Variants in ZDHHC18 observed in about 807,000 individuals in gnomAD.
ZDHHC18 encodes the protein palmitoyltransferase ZDHHC18.
Under a neutral mutation model 37.5 loss-of-function variants are expected in ZDHHC18, and 23 were observed. The ratio of observed to expected loss-of-function variants is 0.61; its 90% CI spans 0.44 to 0.87. The LOEUF is 0.87. ZDHHC18 is among the 40% of genes least tolerant of loss of function. The probability of loss-of-function intolerance (pLI) is 0.00; values close to 1 mark genes in which losing one functional copy is unlikely to be tolerated. For missense variants in ZDHHC18, 406 were observed against 525.6 expected, an observed-to-expected ratio of 0.77 and a Z score of 2.22; for synonymous variants, 185 against 218.7, an observed-to-expected ratio of 0.85 and a Z score of 1.36.
intron 6 of ZDHHC18, among the ~76,000 whole-genome samples, 162 bp from the exon 7 acceptor site, chr1:26,852,591 G>C (rs2081710928): frequency 6.6e-6 from 1 of 152,200 alleles, no homozygotes; most frequent in Non-Finnish European, 1.5e-5. Context: ...CTCTGCCAGG[G>C]GTCCCCCACA....
chr1:26,853,722 G>T lies in ZDHHC18; in HGVS notation c.1050-4G>T. 1 of 1,613,956 alleles carries T rather than the reference G, an allele frequency of 6.2e-7. No individual in the cohort carries two copies. Among genetic ancestry groups the T allele is most frequent in the Non-Finnish European group, 8.5e-7 (1 of 1,179,968 alleles). ...CCTCATGTGTCTCCCTTGTGTTTTG[G>T]AAGCCTAATTGACCGGAGGGGATTT... On this transcript the variant is annotated splice_region_variant and splice_polypyrimidine_tract_variant and intron_variant, in intron 7 of 7. Transcript: ENST00000374142.
chr1:26,844,510 T>C (rs976769120), intron 2 of ZDHHC18, among the ~76,000 whole-genome samples: 1 of 152,212 alleles, frequency 6.6e-6, no homozygotes, highest in Non-Finnish European at 1.5e-5. Flanking sequence ...ATTATTGCTG[T>C]GAACATCCTT....
At chr1:26,832,135 G>A (rs2081590936) in intron 1 of ZDHHC18, 1 of 296,250 alleles carries the variant, frequency 3.4e-6, no homozygotes, top group East Asian at 6.9e-5. Context: ...CAGTCCACTA[G>A]TGTCTGCCTG....
intron 2 of ZDHHC18, 57 bp from the exon 3 acceptor site, chr1:26,848,551 G>A: frequency 6.3e-7 from 1 of 1,579,898 alleles, no homozygotes; most frequent in South Asian, 1.1e-5. Context: ...CCCTGCTGGG[G>A]ATCCGGGCCC....
intron 2 of ZDHHC18, among the ~76,000 whole-genome samples, chr1:26,835,410 CAT>C (rs1408722944): frequency 6.6e-6 from 1 of 152,146 alleles, no homozygotes; most frequent in East Asian, 1.9e-4. Context: ...TAAAGTAAAA[CAT>C]ATTTCCCAGG....
intron 2 of ZDHHC18, among the ~76,000 whole-genome samples, chr1:26,841,500 C>T (rs1203477383): frequency 6.6e-6 from 1 of 152,144 alleles, no homozygotes; most frequent in East Asian, 1.9e-4. Context: ...CCTCACTCAG[C>T]CAGTAAGTGA....
At chr1:26,853,100 A>G in intron 7 of ZDHHC18, 1 of 444,424 alleles carries the variant, frequency 2.3e-6, no homozygotes, top group Non-Finnish European at 4.1e-6. Flanking sequence ...TGGATATGAC[A>G]TGTAATTCTA....
intron 2 of ZDHHC18, 124 bp from the exon 3 acceptor site, chr1:26,848,484 C>A: frequency 7.7e-7 from 1 of 1,290,778 alleles, no homozygotes; most frequent in Non-Finnish European, 1.1e-6. Flanking sequence ...AATGTTTGTT[C>A]CTGGGAACCT....
chr1:26,844,677 A>G (rs112600548), intron 2 of ZDHHC18, among the ~76,000 whole-genome samples: 1,651 of 152,140 alleles, frequency 0.011, 24 homozygotes, highest in African/African-American at 0.038. Flanking sequence ...CTACTTTTTT[A>G]CCAACACTTG....
chr1:26,833,978 C>T (rs1331415889), intron 2 of ZDHHC18, among the ~76,000 whole-genome samples: 2 of 152,158 alleles, frequency 1.3e-5, no homozygotes, highest in African/African-American at 4.8e-5. Flanking sequence ...GCCACGCCTG[C>T]GAGGGCCACC....
chr1:26,827,073 A>G lies in ZDHHC18; in HGVS notation c.269A>G (p.His90Arg). 7.2e-7 allele frequency: 1 copy of G among 1,387,692 alleles called. No homozygotes were observed. The highest frequency in any genetic ancestry group is 9.3e-7 in the Non-Finnish European group (1 of 1,071,142). 86.0% of individuals were successfully genotyped at this position (1,387,692 alleles called of 1,614,324 possible). Reference sequence around the variant, plus strand: ...GGCGGCCGCCTCATGCTGGCCGGCCACGGCGGCGTCTTCGCGCTCACGCTG... The same window carrying G: ...GGCGGCCGCCTCATGCTGGCCGGCCGCGGCGGCGTCTTCGCGCTCACGCTG... ...YCGGRLMLAGHGGVFALTLLL... is the reference protein window; with the variant it reads ...YCGGRLMLAGRGGVFALTLLL... The change falls in exon 1 of 8, where the codon CAC becomes CGC. Residue 90 changes from histidine to arginine, a missense_variant. His to Arg is a conservative substitution (Grantham distance 29). Coordinates refer to ENST00000374142, the MANE Select transcript of ZDHHC18 (RefSeq NM_032283.3).
rs1179151944 is a variant in ZDHHC18, at chr1:26,855,006, TG to T, written c.*1167del. The T allele has an allele frequency of 6.6e-6, 1 of 152,246 alleles. No homozygotes were observed. The highest frequency in any genetic ancestry group is 1.5e-5 in the Non-Finnish European group (1 of 68,070). 9.4% of individuals were successfully genotyped at this position (152,246 alleles called of 1,614,324 possible). A position where few individuals can be genotyped will look rare whatever the true frequency, so the allele number is the denominator to read the frequency against. The stretch of plus-strand genomic sequence containing the variant: ...TCACGAGAAAACCCTGGGCTCCCAC[TG>T]GGGCTCAGCCCAGCCTCCTATCTTT... On this transcript the variant is annotated 3_prime_UTR_variant, in exon 8 of 8. Transcript: ENST00000374142.
chr1:26,838,050 G>A lies in ZDHHC18; in HGVS notation c.496+5443G>A, dbSNP rs1557641992. Among the ~76,000 whole-genome samples, 9 of 150,158 alleles carry A rather than the reference G, an allele frequency of 6.0e-5. No individual in the cohort carries two copies. The South Asian group carries it at 1.9e-3, about 32-fold the overall frequency. ...TTGCTCTTGTTGCCCAGGCTGGAGT[G>A]CAGTGGTGAGATCTCGGCTCACCAC... On this transcript the variant is annotated intron_variant, in intron 2 of 7. Transcript: ENST00000374142.
At chr1:26,851,303 GGGCAGC>G in intron 6 of ZDHHC18, 72 bp downstream of exon 6, 3 of 1,442,030 alleles carry the variant, frequency 2.1e-6, no homozygotes, top group Non-Finnish European at 2.9e-6. Flanking sequence ...AGGGAGCCTG[GGGCAGC>G]CAAGCACAGT....
Position 26,856,302 on chromosome 1 carries a change from C to T in ZDHHC18, c.*2459C>T, listed in dbSNP as rs2081733889. On this transcript the variant is annotated 3_prime_UTR_variant, in exon 8 of 8. Transcript: ENST00000374142. The surrounding 1 kb of genome is among the most constrained non-coding windows in gnomAD (Gnocchi z 5.2). Reference sequence around the variant, plus strand: ...TCCCTGTCGGCCAGCACTGCCCGCTCCCCTCACACACCATCTCATCCTCAT... The same window carrying T: ...TCCCTGTCGGCCAGCACTGCCCGCTTCCCTCACACACCATCTCATCCTCAT... The T allele has an allele frequency of 2.3e-6, 1 of 427,442 alleles. No homozygotes were observed. Among genetic ancestry groups the T allele is most frequent in the Non-Finnish European group, 4.9e-6 (1 of 204,062 alleles). 26.5% of individuals were successfully genotyped at this position (427,442 alleles called of 1,614,324 possible).
At chr1:26,844,982 G>A (rs563024926) in intron 2 of ZDHHC18, among the ~76,000 whole-genome samples, 10 of 150,048 alleles carry the variant, frequency 6.7e-5, no homozygotes, top group South Asian at 2.1e-4. Flanking sequence ...ATGCAGTGGC[G>A]CAATCTCGGC....
rs555647454 is a variant in ZDHHC18, at chr1:26,843,650, C to T, written c.497-4958C>T. Among the ~76,000 whole-genome samples, 12 of 151,580 alleles carry T rather than the reference C, an allele frequency of 7.9e-5. No individual in the cohort carries two copies. In the South Asian group the frequency reaches 2.1e-3, roughly 26 times the overall value. On this transcript the variant is annotated intron_variant, in intron 2 of 7. Coordinates refer to ENST00000374142, the MANE Select transcript of ZDHHC18 (RefSeq NM_032283.3). ...CAAAAAAATACAAAAATTATCTGGGCGTAGTGGCACACACCTGTAATCCCA... is the reference window on the plus strand; with the variant it reads ...CAAAAAAATACAAAAATTATCTGGGTGTAGTGGCACACACCTGTAATCCCA...
In ZDHHC18 at chr1:26,850,350, G is replaced by C; in HGVS notation, c.696G>C (p.Arg232=). Residue 232 remains arginine, a synonymous_variant, in exon 4 of 8, where the codon CGG becomes CGC. Transcript: ENST00000374142. This position sits in a 1 kb window ranked among gnomAD's most constrained non-coding sequence, Gnocchi z 6.1. Reference sequence around the variant, plus strand: ...GGGTGGGCAACTGTGTGGGGAGACGGAACTATCGCTTCTTCTACGCGTTTA... The same window carrying C: ...GGGTGGGCAACTGTGTGGGGAGACGCAACTATCGCTTCTTCTACGCGTTTA... ...CPWVGNCVGR[R]NYRFFYAFIL... is the part of the protein sequence containing the mutation. 1 of 1,614,240 alleles carries C rather than the reference G, an allele frequency of 6.2e-7. No homozygotes were observed. Among genetic ancestry groups the C allele is most frequent in the Non-Finnish European group, 8.5e-7 (1 of 1,180,046 alleles).
rs1440904429 is a variant in ZDHHC18 at position 26,852,720 on chromosome 1, G to A, written c.937-33G>A. 3 of 1,594,704 alleles carry A rather than the reference G, an allele frequency of 1.9e-6. No homozygotes were observed. The South Asian group carries it at 3.3e-5, about 18-fold the overall frequency. ...CTCCTAGAAAAGTGAAGCAAAAGGA[G>A]GTACTTGACCTAGGCCTCCTTCCTG... On this transcript the variant is annotated intron_variant, in intron 6 of 7. Transcript: ENST00000374142.
Sources: gnomAD v4.1 joint callset for allele counts (sites outside exome capture counted in the v4.1 genomes callset) on GRCh38, gnomAD v4.1.1 for gene constraint, Gnocchi (gnomAD v3.1) non-coding constraint, MANE v1.5 for transcripts, NCBI Gene and HGNC (gene_info 2026-07-23, HGNC 2026-07-21) for gene names.